CTNNA3: variants seen among roughly 807,000 people sequenced by gnomAD.
The protein encoded by CTNNA3 is catenin alpha-3.
In CTNNA3, 76 loss-of-function variants were observed where a neutral mutation model predicts 95.7. That is an observed-to-expected ratio of 0.79 (90% CI 0.66 to 0.96). The LOEUF is 0.96. Ranked by LOEUF, CTNNA3 falls within the 40% of genes least tolerant of loss-of-function variation. The pLI is 0.00. For missense variants in CTNNA3, 1,191 were observed against 1,089.8 expected (o/e 1.09, Z -1.31); for synonymous variants, 431 against 374.4 (o/e 1.15, Z -1.74).
intron 6 of CTNNA3, among the ~76,000 whole-genome samples, chr10:67,205,835 A>G (rs1220965451): frequency 1.3e-5 from 2 of 152,222 alleles, no homozygotes; most frequent in African/African-American, 4.8e-5. Flanking sequence ...CATTTACTTT[A>G]GAAAACTTGT....
chr10:67,727,307 T>C (rs896670316), intron 1 of CTNNA3, among the ~76,000 whole-genome samples: 3 of 133,134 alleles, frequency 2.3e-5, no homozygotes, highest in African/African-American at 8.2e-5. Context: ...ATATATATTA[T>C]ATATGATATA....
At chr10:67,446,366 G>A (rs1235057606) in intron 5 of CTNNA3, among the ~76,000 whole-genome samples, 2 of 152,002 alleles carry the variant, frequency 1.3e-5, no homozygotes, top group South Asian at 4.2e-4. Flanking sequence ...AGCAGATAGG[G>A]TTTCCTTCTA....
intron 7 of CTNNA3, among the ~76,000 whole-genome samples, chr10:66,893,800 A>G (rs1054111190): frequency 1.3e-5 from 2 of 152,180 alleles, no homozygotes; most frequent in African/African-American, 4.8e-5. Context: ...TGTCGTGGAT[A>G]CTACCTAAAA....
chr10:66,080,049 G>T (rs1281636022), intron 14 of CTNNA3, among the ~76,000 whole-genome samples: 1 of 151,970 alleles, frequency 6.6e-6, no homozygotes, highest in African/African-American at 2.4e-5. Flanking sequence ...AGTCAGTTTA[G>T]TTTATGACCT....
intron 5 of CTNNA3, among the ~76,000 whole-genome samples, chr10:67,220,490 G>C (rs144340812): frequency 5.3e-5 from 8 of 152,110 alleles, no homozygotes; most frequent in African/African-American, 7.2e-5. Context: ...CTTTCTTTTG[G>C]GGGGAAAGGG....
intron 15 of CTNNA3, among the ~76,000 whole-genome samples, chr10:66,041,095 C>T (rs2079677604): frequency 6.6e-6 from 1 of 152,140 alleles, no homozygotes; most frequent in South Asian, 2.1e-4. Flanking sequence ...ATGATGTACT[C>T]CCTGATATAT....
At chr10:67,019,375 C>G (rs1455951842) in intron 7 of CTNNA3, among the ~76,000 whole-genome samples, 2 of 152,066 alleles carry the variant, frequency 1.3e-5, no homozygotes, top group East Asian at 3.9e-4. Context: ...TGTGCCACCA[C>G]GCCAGGCTAA....
chr10:66,288,525 C>T (rs1477493377), intron 12 of CTNNA3, among the ~76,000 whole-genome samples: 2 of 152,082 alleles, frequency 1.3e-5, no homozygotes, highest in African/African-American at 2.4e-5. Context: ...TTGTTTAATA[C>T]AGTGGCCACC....
intron 13 of CTNNA3, among the ~76,000 whole-genome samples, chr10:66,208,349 C>T (rs2087901130): frequency 6.6e-6 from 1 of 152,076 alleles, no homozygotes; most frequent in Non-Finnish European, 1.5e-5. Context: ...GAAAGGACAA[C>T]CTCAGATGAT....
intron 11 of CTNNA3, among the ~76,000 whole-genome samples, chr10:66,483,329 C>T (rs944498772): frequency 6.6e-6 from 1 of 151,672 alleles, no homozygotes; most frequent in Admixed American, 6.6e-5. Context: ...TAATTAGCAT[C>T]GCACCCAACA....
chr10:66,581,926 T>C (rs1843202673), intron 10 of CTNNA3, among the ~76,000 whole-genome samples: 4 of 151,894 alleles, frequency 2.6e-5, no homozygotes, highest in Admixed American at 1.3e-4. Flanking sequence ...CCCCGATTTA[T>C]GTTTTTGTAT....
At chr10:66,649,092 A>C (rs1024379413) in intron 9 of CTNNA3, among the ~76,000 whole-genome samples, 5 of 152,184 alleles carry the variant, frequency 3.3e-5, no homozygotes, top group African/African-American at 1.2e-4. Context: ...AGAGTGTGGC[A>C]TAATAGGTGC....
intron 10 of CTNNA3, among the ~76,000 whole-genome samples, chr10:66,553,403 C>T (rs190731487): frequency 7.7e-6 from 1 of 130,494 alleles, no homozygotes; most frequent in East Asian, 2.4e-4. Context: ...TATTGTTGTA[C>T]ATTGTTTTCC....
intron 5 of CTNNA3, among the ~76,000 whole-genome samples, chr10:67,328,522 A>G (rs1347616200): frequency 1.3e-5 from 2 of 152,156 alleles, no homozygotes; most frequent in African/African-American, 2.4e-5. Flanking sequence ...TGCCATCTTG[A>G]GTGTCCATAG....
chr10:67,714,320 T>C (rs1200429378), intron 1 of CTNNA3, among the ~76,000 whole-genome samples: 4 of 152,224 alleles, frequency 2.6e-5, no homozygotes, highest in Admixed American at 2.6e-4. Context: ...CCCAAGACTA[T>C]GGGAACCTAC....
chr10:66,984,474 C>T (rs1227682493), intron 7 of CTNNA3, among the ~76,000 whole-genome samples: 1 of 152,092 alleles, frequency 6.6e-6, no homozygotes, highest in Non-Finnish European at 1.5e-5. Flanking sequence ...CTAGAAGTAA[C>T]ACTAAGGAAA....
At chr10:67,232,956 G>T (rs1031708856) in intron 5 of CTNNA3, among the ~76,000 whole-genome samples, 1 of 152,112 alleles carries the variant, frequency 6.6e-6, no homozygotes, top group African/African-American at 2.4e-5. Flanking sequence ...AACAAGAAGA[G>T]CTAACTATCC....
At chr10:66,373,765 A>G (rs74141461) in intron 12 of CTNNA3, among the ~76,000 whole-genome samples, 24,512 of 152,264 alleles carry the variant, frequency 0.16, 2,698 homozygotes, top group East Asian at 0.44. Context: ...AAGCATTACC[A>G]AAATTAGGTT....
At chr10:67,076,014 TAA>T (rs1856728655) in intron 7 of CTNNA3, among the ~76,000 whole-genome samples, 1 of 152,202 alleles carries the variant, frequency 6.6e-6, no homozygotes, top group African/African-American at 2.4e-5. Context: ...AATTTACCAG[TAA>T]AATGCAGAAC....
Sources: gnomAD v4.1 joint callset for allele counts (sites outside exome capture counted in the v4.1 genomes callset) on GRCh38, gnomAD v4.1.1 for gene constraint, MANE v1.5 for transcripts, NCBI Gene and HGNC (gene_info 2026-07-23, HGNC 2026-07-21) for gene names.